The following LTBP2 variants were observed in gnomAD, a reference collection of about 807,000 sequenced individuals.
The protein encoded by LTBP2 is latent-transforming growth factor beta-binding protein 2.
In LTBP2, 103 loss-of-function variants were observed where a neutral mutation model predicts 210.6. The observed-to-expected ratio is 0.49, with a 90% CI of 0.42 to 0.58. The LOEUF (loss-of-function observed/expected upper bound fraction) is 0.58, where lower values mean the gene tolerates loss of function less well. LTBP2 is among the 20% of genes least tolerant of loss of function. The pLI is 0.00. For synonymous variants in LTBP2, 1,007 were observed against 1,015.0 expected (o/e 0.99, Z 0.15); for missense variants, 2,313 against 2,494.5 (o/e 0.93, Z 1.55).
intron 1 of LTBP2, among the ~76,000 whole-genome samples, chr14:74,608,941 T>C (rs1056387603): frequency 6.6e-6 from 1 of 152,194 alleles, no homozygotes. Context: ...TATGCCTGTC[T>C]TGGTCACTGC....
chr14:74,524,598 C>T (rs1422526436), intron 15 of LTBP2, among the ~76,000 whole-genome samples: 4 of 152,118 alleles, frequency 2.6e-5, no homozygotes, highest in African/African-American at 4.8e-5. Context: ...TTGCCAGGAT[C>T]GCCCCCACAC....
chr14:74,548,592 G>A lies in LTBP2; in HGVS notation c.1789+1271C>T, dbSNP rs2087607815. 2.0e-5 allele frequency among the ~76,000 whole-genome samples: 3 copies of A among 152,180 alleles called. No individual in the cohort carries two copies. The South Asian group carries it at 6.2e-4, about 32-fold the overall frequency. On this transcript the variant is annotated intron_variant, in intron 8 of 35. Coordinates refer to ENST00000261978, the MANE Select transcript of LTBP2 (RefSeq NM_000428.3). ...AGAAAACAAGGAAAGAAGAAAAGTG[G>A]CAAAAACATCTCTGGCCTACAGGGG...
intron 15 of LTBP2, among the ~76,000 whole-genome samples, chr14:74,523,603 T>G (rs116271289): frequency 6.6e-6 from 1 of 151,954 alleles, no homozygotes; most frequent in Admixed American, 6.6e-5. Context: ...AATTGAGAAA[T>G]AGTTTGGAGG....
In LTBP2 at chr14:74,532,508, C is replaced by T. The variant is rs140743368; in HGVS notation, c.1905G>A (p.Ala635=). 1.2e-5 allele frequency: 20 copies of T among 1,614,164 alleles called. No homozygotes were observed. The highest frequency in any genetic ancestry group is 6.7e-5 in the East Asian group (3 of 44,882). The part of the protein sequence containing the change: ...ECLTLGLCKD[A]ECVNTRGSYL... ...AGCTGCCCCTGGTATTCACACACTCCGCGTCCTTGCACAGGCCCAGGGTCA... is the reference window on the plus strand; with the variant it reads ...AGCTGCCCCTGGTATTCACACACTCTGCGTCCTTGCACAGGCCCAGGGTCA... The change falls in exon 10 of 36, where the codon GCG becomes GCA. Residue 635 remains alanine, a synonymous_variant. Transcript: ENST00000261978.
At chr14:74,510,264 G>T in intron 19 of LTBP2, 51 bp from the exon 20 acceptor site, 1 of 1,606,852 alleles carries the variant, frequency 6.2e-7, no homozygotes. Context: ...CCATCCTGCA[G>T]CCCCCGCTGG....
rs1026303762 is a variant in LTBP2 at position 74,501,657 on chromosome 14, A to T, written c.5171-67T>A. On this transcript the variant is annotated intron_variant, in intron 34 of 35. Coordinates refer to ENST00000261978, the MANE Select transcript of LTBP2 (RefSeq NM_000428.3). ...TGTCCAGACTCTCCCTAATGCTGGG[A>T]CCCTCGCCCTTCTGGACAAAGGGTG... 8.7e-6 allele frequency: 14 copies of T among 1,601,706 alleles called. No homozygotes were observed. In the African/African-American group the frequency reaches 1.7e-4, roughly 20 times the overall value.
At chr14:74,503,157 G>A (rs200521956) in intron 33 of LTBP2, 62 bp downstream of exon 33, 1 of 1,599,976 alleles carries the variant, frequency 6.3e-7, no homozygotes, top group African/African-American at 1.3e-5. Context: ...TCCAAGGTGA[G>A]GGCATCCCCC....
intron 3 of LTBP2, among the ~76,000 whole-genome samples, chr14:74,556,060 C>A (rs2087724999): frequency 6.6e-6 from 1 of 152,192 alleles, no homozygotes. Flanking sequence ...TATGGACCAG[C>A]CCCTGCCCTA....
chr14:74,507,068 T>G, intron 26 of LTBP2, 111 bp downstream of exon 26: 1 of 1,587,442 alleles, frequency 6.3e-7, no homozygotes, highest in South Asian at 1.1e-5. Context: ...ATATACAAGC[T>G]ACAATCAGCT....
chr14:74,502,328 G>A (rs2086919560), intron 34 of LTBP2, among the ~76,000 whole-genome samples: 1 of 152,216 alleles, frequency 6.6e-6, no homozygotes, highest in African/African-American at 2.4e-5. Context: ...TTATTCTGCA[G>A]CCTGTAGGTG....
chr14:74,594,072 C>G (rs185215264), intron 2 of LTBP2, among the ~76,000 whole-genome samples: 20 of 152,272 alleles, frequency 1.3e-4, no homozygotes, highest in Non-Finnish European at 2.5e-4. Flanking sequence ...GGCCCAGTCA[C>G]TTGCCCCAGG....
intron 2 of LTBP2, among the ~76,000 whole-genome samples, chr14:74,596,748 T>C (rs1191609258): frequency 6.6e-6 from 1 of 152,068 alleles, no homozygotes; most frequent in Non-Finnish European, 1.5e-5. Context: ...GAGAGGAAGG[T>C]GTCCCTGTAG....
rs953010758 is a variant in LTBP2 at position 74,508,057 on chromosome 14, C to T, written c.3691G>A (p.Gly1231Arg). 6.2e-7 allele frequency: 1 copy of T among 1,613,866 alleles called. No homozygotes were observed. The highest frequency in any genetic ancestry group is 8.5e-7 in the Non-Finnish European group (1 of 1,180,038). Residue 1231 changes from glycine (G) to arginine (R), a missense_variant, in exon 25 of 36, where the codon GGG (glycine) becomes AGG (arginine). Gly to Arg is a moderately radical substitution (Grantham distance 125). Coordinates refer to ENST00000261978, the MANE Select transcript of LTBP2 (RefSeq NM_000428.3). ...ECATTDPCVG[G>R]HCVNTEGSFN... ...GAGCCCTCGGTGTTGACACAGTGCC[C>T]TCCCACACACGGGTCTGTGGTGGCA...
At chr14:74,572,163 G>A (rs1197861854) in intron 3 of LTBP2, among the ~76,000 whole-genome samples, 1 of 152,190 alleles carries the variant, frequency 6.6e-6, no homozygotes, top group East Asian at 1.9e-4. Flanking sequence ...GTCCCAAGCA[G>A]CCTCATACAA....
At chr14:74,592,104 C>T (rs2088291149) in intron 2 of LTBP2, among the ~76,000 whole-genome samples, 1 of 152,170 alleles carries the variant, frequency 6.6e-6, no homozygotes. Flanking sequence ...GGTTGTGTGT[C>T]CTTTTGTTTA....
At chr14:74,582,807 T>C (rs1457277920) in intron 3 of LTBP2, among the ~76,000 whole-genome samples, 1 of 152,220 alleles carries the variant, frequency 6.6e-6, no homozygotes, top group Non-Finnish European at 1.5e-5. Context: ...AGAACCTGCA[T>C]GTTGACAAGT....
intron 26 of LTBP2, 133 bp from the exon 27 acceptor site, chr14:74,506,956 A>C: frequency 6.5e-7 from 1 of 1,546,408 alleles, no homozygotes; most frequent in Non-Finnish European, 8.7e-7. Flanking sequence ...TATTTGGCTT[A>C]TTAGCACCAA....
intron 8 of LTBP2, among the ~76,000 whole-genome samples, chr14:74,545,617 C>T (rs1303742449): frequency 6.6e-6 from 1 of 152,262 alleles, no homozygotes; most frequent in South Asian, 2.1e-4. Flanking sequence ...TTGACACAGC[C>T]AGTGCCAAGC....
Position 74,510,204 on chromosome 14 carries a change from T to A in LTBP2, c.3038A>T (p.Glu1013Val). The change falls in exon 20 of 36, where the codon GAG (glutamate) becomes GTG (valine). Residue 1013 changes from glutamate to valine, a missense_variant. Physicochemically the swap from Glu to Val is moderately radical, Grantham distance 121. Around this residue, in one of 3 missense-constraint regions of LTBP2, gnomAD observed 1,867 missense variants for 1,976.9 expected, o/e 0.94. Transcript: ENST00000261978. ...GQSGSCVDVNECLTPGVCAHG... is the reference protein window; with the variant it reads ...GQSGSCVDVNVCLTPGVCAHG... ...GGCACAGACCCCGGGAGTCAGACAC[T>A]CATTCACATCTGTGGGAGAGAAGTC... 1 of 1,613,736 alleles carries A rather than the reference T, an allele frequency of 6.2e-7. No homozygotes were observed. The highest frequency in any genetic ancestry group is 8.5e-7 in the Non-Finnish European group (1 of 1,179,978).
Sources: allele counts gnomAD v4.1 joint callset (sites outside exome capture counted in the v4.1 genomes callset), GRCh38; gene constraint gnomAD v4.1.1; regional missense constraint gnomAD v4.1.1; transcripts MANE v1.5; gene names NCBI Gene and HGNC (gene_info 2026-07-23, HGNC 2026-07-21).